Variants in ENTREP2 observed in about 807,000 individuals in gnomAD.
The protein encoded by ENTREP2 is protein ENTREP2.
chr15:29,239,348 C>T, the ENTREP2 span, among the ~76,000 whole-genome samples: 22 of 152,236 alleles, frequency 1.4e-4, no homozygotes, highest in Non-Finnish European at 2.9e-4. Flanking sequence ...CCAGAAACCA[C>T]GCATCATACT....
At chr15:29,546,589 A>G in the ENTREP2 span, among the ~76,000 whole-genome samples, 1 of 152,188 alleles carries the variant, frequency 6.6e-6, no homozygotes, top group East Asian at 1.9e-4. Context: ...TATCCTATAT[A>G]TAAACAGATA....
the ENTREP2 span, among the ~76,000 whole-genome samples, chr15:29,286,759 TTAGACCATTATGTAA>T: frequency 6.6e-6 from 1 of 152,210 alleles, no homozygotes; most frequent in East Asian, 1.9e-4. Flanking sequence ...GTGAGGCCGT[TTAGACCATTATGTAA>T]TTGAGTGTCC....
the ENTREP2 span, among the ~76,000 whole-genome samples, chr15:29,451,481 C>T: frequency 1.3e-5 from 2 of 152,044 alleles, no homozygotes; most frequent in African/African-American, 2.4e-5. Flanking sequence ...ATGTCGGGGG[C>T]GCGAGGGGCT....
At chr15:29,657,480 G>GGAC in the ENTREP2 span, among the ~76,000 whole-genome samples, 1 of 114,096 alleles carries the variant, frequency 8.8e-6, no homozygotes, top group Non-Finnish European at 1.8e-5. Context: ...TCGGCTGGGG[G>GGAC]GGCGGGGGGG....
chr15:29,118,522 G>A, the ENTREP2 span, among the ~76,000 whole-genome samples: 3 of 152,342 alleles, frequency 2.0e-5, no homozygotes, highest in African/African-American at 4.8e-5. Context: ...GCAACGCCCC[G>A]CTGCAACTGG....
the ENTREP2 span, among the ~76,000 whole-genome samples, chr15:29,566,722 G>A: frequency 2.8e-5 from 4 of 144,270 alleles, no homozygotes; most frequent in Admixed American, 2.8e-4. Context: ...CTCCCAAAGT[G>A]TTGGGATTAC....
chr15:29,151,302 A>G, the ENTREP2 span, among the ~76,000 whole-genome samples: 2 of 152,206 alleles, frequency 1.3e-5, no homozygotes, highest in Non-Finnish European at 2.9e-5. Context: ...TCATTAGCAA[A>G]TCAAAAATGC....
chr15:29,428,250 A>G, the ENTREP2 span, among the ~76,000 whole-genome samples: 1 of 152,200 alleles, frequency 6.6e-6, no homozygotes, highest in African/African-American at 2.4e-5. Flanking sequence ...GTCTCACTCT[A>G]TCGCCCAGGC....
chr15:29,581,342 A>G, the ENTREP2 span, among the ~76,000 whole-genome samples: 24 of 152,304 alleles, frequency 1.6e-4, no homozygotes, highest in Admixed American at 5.9e-4. Flanking sequence ...ACATCCCTAT[A>G]GACAGTGAGA....
At chr15:29,127,650 G>A in the ENTREP2 span, among the ~76,000 whole-genome samples, 1 of 152,312 alleles carries the variant, frequency 6.6e-6, no homozygotes, top group African/African-American at 2.4e-5. Context: ...CTCGGTGCTG[G>A]AAGCTCTGCT....
chr15:29,160,386 A>C, the ENTREP2 span, among the ~76,000 whole-genome samples: 1 of 152,090 alleles, frequency 6.6e-6, no homozygotes. Flanking sequence ...CAGGCAGAGG[A>C]GGCACCGAGA....
chr15:29,649,664 G>A, the ENTREP2 span, among the ~76,000 whole-genome samples: 23 of 144,824 alleles, frequency 1.6e-4, no homozygotes, highest in African/African-American at 4.9e-4. Context: ...AAGTTGCAGT[G>A]AGCAAGATCG....
chr15:29,158,293 C>T, the ENTREP2 span, among the ~76,000 whole-genome samples: 4 of 152,236 alleles, frequency 2.6e-5, no homozygotes, highest in African/African-American at 7.2e-5. Context: ...AAGACTTTTC[C>T]CCTCCAGCTG....
chr15:29,475,334 C>T, the ENTREP2 span, among the ~76,000 whole-genome samples: 2 of 152,142 alleles, frequency 1.3e-5, no homozygotes, highest in Non-Finnish European at 2.9e-5. Context: ...GCCCACCCTG[C>T]CACAGCGGTC....
chr15:29,521,665 G>A, the ENTREP2 span, among the ~76,000 whole-genome samples: 48 of 152,098 alleles, frequency 3.2e-4, no homozygotes, highest in Non-Finnish European at 5.6e-4. Context: ...TGTCTCTGGG[G>A]CAGAAAAAGG....
chr15:29,246,373 C>G, the ENTREP2 span, among the ~76,000 whole-genome samples: 1 of 122,568 alleles, frequency 8.2e-6, no homozygotes, highest in Admixed American at 1.1e-4. Context: ...GCCTAAGCAA[C>G]AGAGTGAAAC....
At chr15:29,500,536 GATAAAATAAAA>G in the ENTREP2 span, among the ~76,000 whole-genome samples, 2 of 152,018 alleles carry the variant, frequency 1.3e-5, no homozygotes, top group Admixed American at 1.3e-4. Flanking sequence ...AATACTTTGA[GATAAAATAAAA>G]ATAAAATACA....
chr15:29,632,502 C>T, the ENTREP2 span, among the ~76,000 whole-genome samples: 1 of 152,076 alleles, frequency 6.6e-6, no homozygotes, highest in Admixed American at 6.5e-5. Context: ...TTAACAGAGG[C>T]CAGGCACGGT....
At chr15:29,558,613 G>A in the ENTREP2 span, among the ~76,000 whole-genome samples, 6 of 16,766 alleles carry the variant, frequency 3.6e-4, no homozygotes, top group East Asian at 5.7e-3. Flanking sequence ...AATTGTATAG[G>A]TGCATTTATA....
Sources: allele counts gnomAD v4.1 joint callset (sites outside exome capture counted in the v4.1 genomes callset), GRCh38; gene constraint gnomAD v4.1.1; transcripts MANE v1.5; gene names NCBI Gene and HGNC (gene_info 2026-07-23, HGNC 2026-07-21).